CDC25C: variants seen among roughly 807,000 people sequenced by gnomAD.
The protein encoded by CDC25C is M-phase inducer phosphatase 3.
A neutral mutation model predicts 52.5 loss-of-function variants in CDC25C; 48 were observed. The ratio of observed to expected loss-of-function variants is 0.91; its 90% confidence interval spans 0.72 to 1.16. The LOEUF (loss-of-function observed/expected upper bound fraction) is 1.16, where lower values mean the gene tolerates loss of function less well. Ranked by LOEUF, CDC25C falls within the 50% of genes most tolerant of loss-of-function variation. CDC25C has a pLI of 0.00. For missense variants in CDC25C, 510 were observed against 566.1 expected (o/e 0.90, Z 1.01); for synonymous variants, 187 against 206.5 (o/e 0.91, Z 0.81).
chr5:138,285,414 G>T lies in CDC25C; in HGVS notation c.*278C>A. 2.7e-6 allele frequency: 1 copy of T among 369,174 alleles called. No homozygotes were observed. Among genetic ancestry groups the T allele is most frequent in the Non-Finnish European group, 4.9e-6 (1 of 204,236 alleles). 22.9% of individuals were successfully genotyped at this position (369,174 alleles called of 1,614,324 possible). ...AGTTGGCTGGCTTGTGAGAAGACAT[G>T]AGGAGTTGGGAAAAGGAATGCCAGA... On this transcript the variant is annotated 3_prime_UTR_variant, in exon 14 of 14. Coordinates refer to ENST00000323760, the MANE Select transcript of CDC25C (RefSeq NM_001790.5).
At chr5:138,329,415 T>C (rs1760153829) in intron 3 of CDC25C, 138 bp downstream of exon 3, 3 of 614,670 alleles carry the variant, frequency 4.9e-6, no homozygotes, top group Non-Finnish European at 5.8e-6. Context: ...TCAAAAATCC[T>C]CTAGTTACCC....
At chr5:138,300,037 A>T (rs1208145853) in intron 7 of CDC25C, among the ~76,000 whole-genome samples, 1 of 152,190 alleles carries the variant, frequency 6.6e-6, no homozygotes, top group Non-Finnish European at 1.5e-5. Context: ...CTAACAAGAC[A>T]AAAACTACTG....
At chr5:138,312,873 T>A (rs1174117085) in intron 7 of CDC25C, among the ~76,000 whole-genome samples, 1 of 152,054 alleles carries the variant, frequency 6.6e-6, no homozygotes, top group Non-Finnish European at 1.5e-5. Context: ...TGATTTTTTT[T>A]AAAGAGAATG....
At position 138,285,581 on chromosome 5, in the gene CDC25C, C is replaced by T; in HGVS notation, c.*111G>A. The T allele has an allele frequency of 4.0e-6, 4 of 1,007,670 alleles. No homozygotes were observed. The highest frequency in any genetic ancestry group is 6.0e-6 in the Non-Finnish European group (4 of 668,840). 62.4% of individuals were successfully genotyped at this position (1,007,670 alleles called of 1,614,324 possible). A position where few individuals can be genotyped will look rare whatever the true frequency, so the allele number is the denominator to read the frequency against. On this transcript the variant is annotated 3_prime_UTR_variant, in exon 14 of 14. Coordinates refer to ENST00000323760, the MANE Select transcript of CDC25C (RefSeq NM_001790.5). Reference sequence around the variant, plus strand: ...TACAAGTTGGTAGCCTGTTGGTTTGCAGAGACATCTTTTAATAATCTTGGG... The same window carrying T: ...TACAAGTTGGTAGCCTGTTGGTTTGTAGAGACATCTTTTAATAATCTTGGG...
intron 11 of CDC25C, 76 bp from the exon 12 acceptor site, chr5:138,286,706 G>T: frequency 1.5e-6 from 2 of 1,343,680 alleles, no homozygotes; most frequent in African/African-American, 1.5e-5. Context: ...TGACTGAGAC[G>T]CCAACCTGGG....
chr5:138,285,905 TA>T (rs1756173032), intron 13 of CDC25C, 64 bp from the exon 14 acceptor site: 1 of 1,578,868 alleles, frequency 6.3e-7, no homozygotes, highest in African/African-American at 1.4e-5. Context: ...TGAAGGATAA[TA>T]GAGATGCTGC....
intron 7 of CDC25C, among the ~76,000 whole-genome samples, chr5:138,317,057 C>A (rs1758932958): frequency 6.6e-6 from 1 of 152,140 alleles, no homozygotes; most frequent in African/African-American, 2.4e-5. Flanking sequence ...AGTTCCAAAC[C>A]AGCTTGGGCA....
intron 7 of CDC25C, among the ~76,000 whole-genome samples, chr5:138,311,233 T>TAC (rs1255619299): frequency 2.0e-5 from 3 of 152,194 alleles, no homozygotes; most frequent in Non-Finnish European, 4.4e-5. Context: ...TTATACCATA[T>TAC]ACACACATTA....
chr5:138,337,090 AAAAAAG>A (rs1760753808), intron 1 of CDC25C: 1 of 152,216 alleles, frequency 6.6e-6, no homozygotes, highest in Non-Finnish European at 1.5e-5. Flanking sequence ...AATCAATTAA[AAAAAAG>A]AAATAGAAAA....
rs536992527 is a variant in CDC25C, at chr5:138,318,867, G to A, written c.615+352C>T. Among the ~76,000 whole-genome samples, 22 of 152,252 alleles carry A rather than the reference G, an allele frequency of 1.4e-4. No homozygotes were observed. In the South Asian group the frequency reaches 4.4e-3, roughly 30 times the overall value. On this transcript the variant is annotated intron_variant, in intron 7 of 13. Coordinates refer to ENST00000323760, the MANE Select transcript of CDC25C (RefSeq NM_001790.5). ...AAGCCTAATTTAGAAGTATACTTTT[G>A]TATCAAAAAGCTGAGTCTCAGGAAA...
At chr5:138,302,527 C>T (rs1757706246) in intron 7 of CDC25C, among the ~76,000 whole-genome samples, 1 of 151,082 alleles carries the variant, frequency 6.6e-6, no homozygotes, top group South Asian at 2.1e-4. Context: ...TAGAGAAACC[C>T]CGTCTCTACT....
chr5:138,323,395 C>G lies in CDC25C; in HGVS notation c.459+2420G>C, dbSNP rs540405698. 2.0e-3 allele frequency among the ~76,000 whole-genome samples: 304 copies of G among 152,160 alleles called. 1 individual carries two copies. The highest frequency in any genetic ancestry group is 7.3e-3 in the African/African-American group (304 of 41,522). ...TCACTGGAGCCTCAGGCTCTTGGGCCGAGGCGATCCTCTTGCCTTGGCCTC... is the reference window on the plus strand; with the variant it reads ...TCACTGGAGCCTCAGGCTCTTGGGCGGAGGCGATCCTCTTGCCTTGGCCTC... On this transcript the variant is annotated intron_variant, in intron 6 of 13. Transcript: ENST00000323760.
intron 7 of CDC25C, among the ~76,000 whole-genome samples, chr5:138,302,934 CTG>C (rs2126717015): frequency 6.6e-6 from 1 of 150,980 alleles, no homozygotes; most frequent in East Asian, 2.0e-4. Context: ...CCAGGGGTGA[CTG>C]TGTTTGCCTG....
chr5:138,308,178 C>G (rs1392289169), intron 7 of CDC25C, among the ~76,000 whole-genome samples: 1 of 152,106 alleles, frequency 6.6e-6, no homozygotes, highest in Admixed American at 6.6e-5. Context: ...TTGGGAAAAC[C>G]TGTTCCAGAA....
intron 7 of CDC25C, among the ~76,000 whole-genome samples, chr5:138,298,968 G>A (rs999161260): frequency 3.3e-5 from 5 of 151,386 alleles, no homozygotes; most frequent in Non-Finnish European, 4.4e-5. Flanking sequence ...TGAGGCGGGC[G>A]GATCACCTGG....
At chr5:138,321,532 TCAC>T in intron 6 of CDC25C, among the ~76,000 whole-genome samples, 1 of 152,054 alleles carries the variant, frequency 6.6e-6, no homozygotes, top group Admixed American at 6.6e-5. Flanking sequence ...GGCAGGTGGA[TCAC>T]GAGGTCAGGA....
intron 6 of CDC25C, among the ~76,000 whole-genome samples, chr5:138,321,275 T>C (rs954676118): frequency 6.6e-6 from 1 of 152,166 alleles, no homozygotes; most frequent in Admixed American, 6.6e-5. Flanking sequence ...AAATGAGTTC[T>C]GGTGATAGTC....
At chr5:138,291,511 C>T (rs555602798) in intron 8 of CDC25C, among the ~76,000 whole-genome samples, 6 of 151,676 alleles carry the variant, frequency 4.0e-5, no homozygotes, top group Admixed American at 1.3e-4. Context: ...CTCCACCTCC[C>T]GGGTTCAAGC....
intron 7 of CDC25C, among the ~76,000 whole-genome samples, chr5:138,299,566 A>G (rs1454049205): frequency 1.3e-5 from 2 of 151,898 alleles, no homozygotes; most frequent in Non-Finnish European, 2.9e-5. Flanking sequence ...CCAATGGGTC[A>G]ATGAAGAAAT....
Sources: allele counts gnomAD v4.1 joint callset (sites outside exome capture counted in the v4.1 genomes callset), GRCh38; gene constraint gnomAD v4.1.1; transcripts MANE v1.5; gene names NCBI Gene and HGNC (gene_info 2026-07-23, HGNC 2026-07-21).